GLIS3: variants seen among roughly 807,000 people sequenced by gnomAD.
GLIS3 encodes GLIS family zinc finger 3.
In GLIS3, 53 loss-of-function variants were observed where a neutral mutation model predicts 78.6. That is an observed-to-expected ratio of 0.67 (90% CI 0.54 to 0.85). GLIS3 has a LOEUF of 0.85. Among genes scored for constraint, GLIS3 ranks in the 40% least tolerant of loss-of-function variants. GLIS3 has a pLI of 0.00. For synonymous variants in GLIS3, 684 were observed against 509.9 expected, an observed-to-expected ratio of 1.34 and a Z score of -4.60; for missense variants, 1,703 against 1,231.1, an observed-to-expected ratio of 1.38 and a Z score of -5.74.
chr9:4,336,198 G>A lies in GLIS3; in HGVS notation n.264+10883C>T, dbSNP rs148628763. Among the ~76,000 whole-genome samples, 291 of 152,354 alleles carry A rather than the reference G, an allele frequency of 1.9e-3. 1 individual carries two copies. Among genetic ancestry groups the A allele is most frequent in the Middle Eastern group, 6.8e-3 (2 of 294 alleles). ...TCTTCTCCCTGACCTAATCTTGGGAGTCTCCAAAAAGCATCTCATGTGGAT... is the reference window on the plus strand; with the variant it reads ...TCTTCTCCCTGACCTAATCTTGGGAATCTCCAAAAAGCATCTCATGTGGAT... On this transcript the variant is annotated intron_variant and non_coding_transcript_variant, in intron 2 of 4. Coordinates refer to the GLIS3 transcript ENST00000471664.
intron 4 of GLIS3, among the ~76,000 whole-genome samples, chr9:3,983,514 A>T (rs573205946): frequency 2.0e-5 from 3 of 152,358 alleles, no homozygotes; most frequent in Admixed American, 6.5e-5. Flanking sequence ...AGACAAAAAA[A>T]TGTGAGAAAT....
At chr9:4,332,121 C>G (rs940214915) in intron 2 of GLIS3, among the ~76,000 whole-genome samples, 3 of 152,178 alleles carry the variant, frequency 2.0e-5, no homozygotes, top group East Asian at 1.9e-4. Context: ...ACTAACTATT[C>G]TGGTTGAAGT....
chr9:4,446,773 G>C, the GLIS3 span, among the ~76,000 whole-genome samples: 1 of 151,580 alleles, frequency 6.6e-6, no homozygotes, highest in Non-Finnish European at 1.5e-5. Context: ...GGCCTCCCAA[G>C]GGGCTGGGAT....
intron 2 of GLIS3, among the ~76,000 whole-genome samples, chr9:4,254,855 AG>A (rs1299229932): frequency 2.0e-5 from 3 of 151,784 alleles, no homozygotes; most frequent in Admixed American, 6.6e-5. Context: ...AAAAAAAAAA[AG>A]AAAAAAAGAT....
intron 8 of GLIS3, among the ~76,000 whole-genome samples, chr9:3,863,517 A>T (rs759789371): frequency 3.3e-5 from 5 of 152,218 alleles, no homozygotes; most frequent in Non-Finnish European, 7.3e-5. Context: ...TGTCCCCTGG[A>T]AGAGCTTGTG....
intron 2 of GLIS3, among the ~76,000 whole-genome samples, chr9:4,202,451 TAAAAATAAAA>T (rs1332594148): frequency 1.5e-5 from 2 of 133,796 alleles, no homozygotes; most frequent in African/African-American, 5.9e-5. Flanking sequence ...TAAAATAAAA[TAAAAATAAAA>T]ATAAATAAAT....
At chr9:4,094,807 T>C (rs1829809900) in intron 4 of GLIS3, among the ~76,000 whole-genome samples, 1 of 152,228 alleles carries the variant, frequency 6.6e-6, no homozygotes, top group Admixed American at 6.5e-5. Flanking sequence ...CTTGAAGTTA[T>C]TTGGCTCACA....
At chr9:4,187,960 C>T (rs953484668) in intron 2 of GLIS3, among the ~76,000 whole-genome samples, 2 of 152,186 alleles carry the variant, frequency 1.3e-5, no homozygotes, top group African/African-American at 4.8e-5. Context: ...AATCTGACTT[C>T]CTCTTTTCCT....
intron 2 of GLIS3, among the ~76,000 whole-genome samples, chr9:4,190,207 G>C (rs139795149): frequency 6.6e-6 from 1 of 152,336 alleles, no homozygotes; most frequent in African/African-American, 2.4e-5. Flanking sequence ...AGTTGAGAGT[G>C]AAGGCTTCAG....
At position 3,825,243 on chromosome 9, in the gene GLIS3, T is replaced by C. The variant is rs1019271794; in HGVS notation, c.*3029A>G. On this transcript the variant is annotated 3_prime_UTR_variant, in exon 11 of 11. Transcript: ENST00000381971. ...GTGATCTACTAAAGACCTTTTTTTTTCTTCTTATTTTATGATCGCTTATGT... is the reference window on the plus strand; with the variant it reads ...GTGATCTACTAAAGACCTTTTTTTTCCTTCTTATTTTATGATCGCTTATGT... 6.6e-6 allele frequency: 1 copy of C among 152,152 alleles called. No individual in the cohort carries two copies. The highest frequency in any genetic ancestry group is 2.4e-5 in the African/African-American group (1 of 41,422). The allele number at this position is 152,152 out of a possible 1,614,324, so 9.4% of individuals were successfully genotyped here. A position where few individuals can be genotyped will look rare whatever the true frequency, so the allele number is the denominator to read the frequency against.
chr9:4,474,644 T>C, the GLIS3 span, among the ~76,000 whole-genome samples: 3 of 151,434 alleles, frequency 2.0e-5, no homozygotes, highest in Non-Finnish European at 3.0e-5. Context: ...AGTAAGCAAA[T>C]ATTTATTTTT....
chr9:4,028,589 G>C lies in GLIS3; in HGVS notation c.1710+89179C>G, dbSNP rs1823546712. ...CAAAGTGACATACCTGTGTAGCCTA[G>C]ATCAAAAAACAAAACAATAGCCTTC... is the stretch of plus-strand genomic sequence containing the variant. On this transcript the variant is annotated intron_variant, in intron 4 of 10. Transcript: ENST00000381971. 3.3e-5 allele frequency among the ~76,000 whole-genome samples: 5 copies of C among 152,092 alleles called. No individual in the cohort carries two copies. The South Asian group carries it at 8.3e-4, about 25-fold the overall frequency.
At chr9:4,375,500 A>G in the GLIS3 span, among the ~76,000 whole-genome samples, 1 of 152,204 alleles carries the variant, frequency 6.6e-6, no homozygotes, top group South Asian at 2.1e-4. Context: ...CTTTCTGAAG[A>G]TGTTTTCAGC....
chr9:4,259,356 T>C lies in GLIS3; in HGVS notation c.388+26682A>G, dbSNP rs1825291559. 2.6e-5 allele frequency among the ~76,000 whole-genome samples: 4 copies of C among 152,004 alleles called. No homozygotes were observed. The South Asian group carries it at 6.2e-4, about 24-fold the overall frequency. ...CAGTCAGATCCCTTCCACCTTCCCC[T>C]TTACATATGGGGGATTGAAAACAGA... On this transcript the variant is annotated intron_variant, in intron 2 of 10. Coordinates refer to ENST00000381971, the MANE Select transcript of GLIS3 (RefSeq NM_001042413.2).
the GLIS3 span, among the ~76,000 whole-genome samples, chr9:4,420,562 C>A: frequency 6.6e-6 from 1 of 152,078 alleles, no homozygotes; most frequent in Admixed American, 6.6e-5. Context: ...GCATGTTTAC[C>A]ATTTGATCTG....
chr9:3,932,575 T>C (rs570138019), intron 5 of GLIS3, 105 bp from the exon 6 acceptor site: 210 of 822,820 alleles, frequency 2.6e-4, no homozygotes, highest in Middle Eastern at 1.6e-3. Flanking sequence ...CTGTTACCAA[T>C]TGACTGATGT....
At chr9:4,202,523 C>T (rs1370578831) in intron 2 of GLIS3, among the ~76,000 whole-genome samples, 4 of 151,942 alleles carry the variant, frequency 2.6e-5, no homozygotes, top group Admixed American at 2.6e-4. Context: ...CAATGCTAAG[C>T]AAAAAGAACA....
intron 4 of GLIS3, among the ~76,000 whole-genome samples, chr9:3,996,679 A>T (rs1210401116): frequency 1.3e-5 from 2 of 152,236 alleles, no homozygotes; most frequent in Non-Finnish European, 2.9e-5. Context: ...AATAACAAAG[A>T]TAAGAAAATA....
intron 4 of GLIS3, among the ~76,000 whole-genome samples, chr9:3,981,037 A>G (rs764015190): frequency 1.3e-5 from 2 of 152,172 alleles, no homozygotes; most frequent in African/African-American, 2.4e-5. Context: ...GAACTGAAGA[A>G]AGATGAACTC....
Sources: gnomAD v4.1 joint callset for allele counts (sites outside exome capture counted in the v4.1 genomes callset) on GRCh38, gnomAD v4.1.1 for gene constraint, MANE v1.5 for transcripts, NCBI Gene and HGNC (gene_info 2026-07-23, HGNC 2026-07-21) for gene names.